UST: variants seen among roughly 807,000 people sequenced by gnomAD.
The protein encoded by UST is chondroitin sulfate 2-O-sulfotransferase.
In UST, 21 loss-of-function variants were observed where a neutral mutation model predicts 45.6. The observed-to-expected ratio is 0.46, with a 90% CI of 0.33 to 0.66. UST has a LOEUF of 0.66. Among genes scored for constraint, UST ranks in the 30% least tolerant of loss-of-function variants. The pLI is 0.02. For missense variants in UST, 463 were observed against 512.4 expected (o/e 0.90, Z 0.93); for synonymous variants, 215 against 200.6 (o/e 1.07, Z -0.61).
At chr6:148,908,773 T>C (rs1582891190) in intron 2 of UST, among the ~76,000 whole-genome samples, 1 of 152,188 alleles carries the variant, frequency 6.6e-6, no homozygotes, top group South Asian at 2.1e-4. Flanking sequence ...TTTTCCCTTA[T>C]TTTAGTTACA....
At chr6:149,061,185 A>G (rs1203019218) in intron 7 of UST, among the ~76,000 whole-genome samples, 2 of 152,308 alleles carry the variant, frequency 1.3e-5, no homozygotes, top group Non-Finnish European at 1.5e-5. Flanking sequence ...GGGTTTATAC[A>G]GTATTTCCAG....
chr6:148,819,500 C>T (rs1375237393), intron 1 of UST, among the ~76,000 whole-genome samples: 3 of 152,212 alleles, frequency 2.0e-5, no homozygotes, highest in Non-Finnish European at 4.4e-5. Context: ...TATTAGGAAT[C>T]TCTTACGTTA....
At chr6:148,840,622 C>T (rs983536534) in intron 1 of UST, among the ~76,000 whole-genome samples, 1 of 152,264 alleles carries the variant, frequency 6.6e-6, no homozygotes, top group African/African-American at 2.4e-5. Context: ...AGTCAGCCCT[C>T]CGCATCCACA....
chr6:148,833,232 A>T (rs1490040309), intron 1 of UST, among the ~76,000 whole-genome samples: 1 of 152,234 alleles, frequency 6.6e-6, no homozygotes, highest in Non-Finnish European at 1.5e-5. Context: ...TCATGCCTGT[A>T]ATCTCAGCAC....
intron 1 of UST, among the ~76,000 whole-genome samples, chr6:148,803,905 G>A (rs1386335633): frequency 1.3e-5 from 2 of 152,182 alleles, no homozygotes; most frequent in African/African-American, 4.8e-5. Flanking sequence ...TCAGATCTCA[G>A]GAGAGTCTTC....
In UST at chr6:149,074,099, G is replaced by A. The variant is rs760485806; in HGVS notation, c.1204G>A (p.Asp402Asn). 2 of 1,614,194 alleles carry A rather than the reference G, an allele frequency of 1.2e-6. No homozygotes were observed. The highest frequency in any genetic ancestry group is 3.3e-5 in the Admixed American group (2 of 60,032). The change falls in exon 8 of 8, where the codon GAT becomes AAT. Residue 402 changes from aspartate (D) to asparagine (N), a missense_variant. Coordinates refer to ENST00000367463, the MANE Select transcript of UST (RefSeq NM_005715.3). ...EEQDDEKWLE[D>N]IYKR ...ACAGGATGATGAAAAGTGGCTGGAA[G>A]ATATTTATAAGAGGTGATGTGACTG...
intron 1 of UST, among the ~76,000 whole-genome samples, chr6:148,801,313 C>T (rs1777054594): frequency 6.6e-6 from 1 of 151,988 alleles, no homozygotes. Context: ...AAGGGTGTTT[C>T]TCTACAGAGT....
At chr6:148,952,226 A>T (rs1780379098) in intron 3 of UST, among the ~76,000 whole-genome samples, 2 of 152,256 alleles carry the variant, frequency 1.3e-5, no homozygotes, top group Non-Finnish European at 2.9e-5. Flanking sequence ...CCATTAGTAA[A>T]TGCATCAAAA....
chr6:148,789,401 G>C (rs1776793551), intron 1 of UST, among the ~76,000 whole-genome samples: 1 of 149,450 alleles, frequency 6.7e-6, no homozygotes, highest in South Asian at 2.1e-4. Context: ...CTTTTGAGTA[G>C]CAAGGATCTA....
At chr6:148,864,236 C>T (rs546858407) in intron 1 of UST, among the ~76,000 whole-genome samples, 6 of 152,342 alleles carry the variant, frequency 3.9e-5, no homozygotes, top group South Asian at 4.1e-4. Flanking sequence ...GCTGCCACCT[C>T]GCAGTTCGAT....
At chr6:149,069,718 A>G (rs996667802) in intron 7 of UST, among the ~76,000 whole-genome samples, 4 of 152,238 alleles carry the variant, frequency 2.6e-5, no homozygotes, top group Admixed American at 1.3e-4. Flanking sequence ...AATCGTAATC[A>G]AAGAAAGAAA....
intron 3 of UST, among the ~76,000 whole-genome samples, chr6:148,946,813 CAAAAAAAAAAAAAA>C (rs60990121): frequency 4.0e-4 from 23 of 56,856 alleles, no homozygotes; most frequent in South Asian, 3.0e-3. Context: ...GACTCCATCC[CAAAAAAAAAAAAAA>C]AAAAAAAAAA....
chr6:148,775,646 G>T (rs554806044), intron 1 of UST, among the ~76,000 whole-genome samples: 4 of 145,400 alleles, frequency 2.8e-5, no homozygotes, highest in East Asian at 2.0e-4. Flanking sequence ...TTTTGGGGCG[G>T]GGAGAGAGTC....
chr6:149,025,268 A>T (rs557291884), intron 7 of UST, among the ~76,000 whole-genome samples: 1 of 152,382 alleles, frequency 6.6e-6, no homozygotes. Flanking sequence ...GACATCAAGT[A>T]AATTTGTCTC....
At chr6:148,816,380 C>G (rs940315866) in intron 1 of UST, among the ~76,000 whole-genome samples, 3 of 152,154 alleles carry the variant, frequency 2.0e-5, no homozygotes, top group African/African-American at 7.2e-5. Flanking sequence ...CTTGCACCCA[C>G]TTGAGAAGTG....
Position 148,800,246 on chromosome 6 carries a change from C to T in UST, c.247+52569C>T, listed in dbSNP as rs114376578. Reference sequence around the variant, plus strand: ...TCTGTAAGTCTGGTTCAGAAGCCAGCCTCATAAGGATTTTGTGAGGATTCA... The same window carrying T: ...TCTGTAAGTCTGGTTCAGAAGCCAGTCTCATAAGGATTTTGTGAGGATTCA... On this transcript the variant is annotated intron_variant, in intron 1 of 7. Coordinates refer to ENST00000367463, the MANE Select transcript of UST (RefSeq NM_005715.3). Among the ~76,000 whole-genome samples, 550 of 152,280 alleles carry T rather than the reference C, an allele frequency of 3.6e-3. 2 individuals are homozygous for T. Among genetic ancestry groups the T allele is most frequent in the African/African-American group, 0.013 (522 of 41,562 alleles).
At chr6:148,838,521 A>ATGCTGTTGCTGT (rs201510264) in intron 1 of UST, among the ~76,000 whole-genome samples, 1 of 152,094 alleles carries the variant, frequency 6.6e-6, no homozygotes, top group African/African-American at 2.4e-5. Context: ...TCTTCCTGGG[A>ATGCTGTTGCTGT]TGCTGTTGCT....
At chr6:148,944,835 G>C (rs567544784) in intron 3 of UST, among the ~76,000 whole-genome samples, 2 of 152,132 alleles carry the variant, frequency 1.3e-5, no homozygotes, top group South Asian at 4.1e-4. Context: ...CAGGTCTTAA[G>C]CTGGCTTAAA....
chr6:149,059,327 G>A (rs1776619186), intron 7 of UST, among the ~76,000 whole-genome samples: 1 of 152,240 alleles, frequency 6.6e-6, no homozygotes, highest in Non-Finnish European at 1.5e-5. Context: ...CTCTACAAGT[G>A]TCGGGCCCTT....
Sources: gnomAD v4.1 joint callset for allele counts (sites outside exome capture counted in the v4.1 genomes callset) on GRCh38, gnomAD v4.1.1 for gene constraint, MANE v1.5 for transcripts, NCBI Gene and HGNC (gene_info 2026-07-23, HGNC 2026-07-21) for gene names.